Variants in KCNIP4 observed in about 807,000 individuals in gnomAD.
The protein encoded by KCNIP4 is potassium voltage-gated channel interacting protein 4, also known as Kv channel-interacting protein 4.
In KCNIP4, 12 loss-of-function variants were observed where a neutral mutation model predicts 34.0. The observed-to-expected ratio is 0.35, with a 90% confidence interval of 0.23 to 0.57. The LOEUF is 0.57. KCNIP4 is among the 20% of genes least tolerant of loss of function. The pLI is 0.83. For missense variants in KCNIP4, 238 were observed against 311.7 expected, an observed-to-expected ratio of 0.76 and a Z score of 1.78; for synonymous variants, 124 against 102.2, an observed-to-expected ratio of 1.21 and a Z score of -1.29.
chr4:21,368,269 C>T (rs1348020361), intron 1 of KCNIP4, among the ~76,000 whole-genome samples: 3 of 146,552 alleles, frequency 2.0e-5, no homozygotes, highest in Admixed American at 6.6e-5. Context: ...ATAAATATGA[C>T]GTTAGTTTGA....
intron 1 of KCNIP4, among the ~76,000 whole-genome samples, chr4:21,168,800 T>C (rs903980582): frequency 1.3e-5 from 2 of 152,102 alleles, no homozygotes; most frequent in Non-Finnish European, 2.9e-5. Context: ...CTGCCTTCAC[T>C]GTCTCTTGTA....
At chr4:20,758,951 C>T in intron 3 of KCNIP4, 61 bp from the exon 4 acceptor site, 8 of 1,384,184 alleles carry the variant, frequency 5.8e-6, no homozygotes, top group Non-Finnish European at 8.2e-6. Context: ...ATTTTTTTTG[C>T]ACATTTTGAA....
intron 1 of KCNIP4, among the ~76,000 whole-genome samples, chr4:21,411,802 C>T (rs753261856): frequency 9.2e-5 from 14 of 152,312 alleles, no homozygotes; most frequent in Non-Finnish European, 1.8e-4. Flanking sequence ...CATGCCACTA[C>T]ACTCCAGCCT....
chr4:20,875,098 A>G (rs1000654107), intron 2 of KCNIP4, among the ~76,000 whole-genome samples: 16 of 151,718 alleles, frequency 1.1e-4, no homozygotes, highest in African/African-American at 3.9e-4. Context: ...GCCCAGAGAG[A>G]AGGAAAAAAA....
chr4:21,671,691 A>C (rs1749513085), intron 1 of KCNIP4, among the ~76,000 whole-genome samples: 1 of 152,178 alleles, frequency 6.6e-6, no homozygotes, highest in Admixed American at 6.5e-5. Flanking sequence ...ACTCAGACTC[A>C]GGGGTATTAG....
intron 1 of KCNIP4, among the ~76,000 whole-genome samples, chr4:21,348,690 T>C (rs564070861): frequency 6.6e-6 from 1 of 152,328 alleles, no homozygotes; most frequent in East Asian, 1.9e-4. Flanking sequence ...TATAGCTCTG[T>C]AATACTTCAG....
chr4:20,922,918 A>G (rs1729546996), intron 1 of KCNIP4, among the ~76,000 whole-genome samples: 1 of 152,168 alleles, frequency 6.6e-6, no homozygotes, highest in Non-Finnish European at 1.5e-5. Context: ...TAAAAACCTT[A>G]TAAAAATACA....
chr4:21,787,449 T>G (rs540705940), intron 1 of KCNIP4, among the ~76,000 whole-genome samples: 138 of 152,276 alleles, frequency 9.1e-4, no homozygotes, highest in African/African-American at 3.2e-3. Flanking sequence ...GCTCTCTCAT[T>G]TATGCCCACA....
At chr4:20,880,592 G>C (rs895814035) in intron 2 of KCNIP4, among the ~76,000 whole-genome samples, 1 of 152,128 alleles carries the variant, frequency 6.6e-6, no homozygotes, top group Non-Finnish European at 1.5e-5. Flanking sequence ...GTGCAGAAGA[G>C]TGCTAACGAG....
At chr4:21,135,738 C>T (rs1367064525) in intron 1 of KCNIP4, among the ~76,000 whole-genome samples, 1 of 152,124 alleles carries the variant, frequency 6.6e-6, no homozygotes, top group Non-Finnish European at 1.5e-5. Flanking sequence ...CACAAAGGGG[C>T]AAATCTTGGG....
chr4:21,356,996 C>T (rs1286970681), intron 1 of KCNIP4, among the ~76,000 whole-genome samples: 1 of 151,940 alleles, frequency 6.6e-6, no homozygotes, highest in Non-Finnish European at 1.5e-5. Flanking sequence ...AGAACAGAGC[C>T]CACAGAAATA....
chr4:21,625,234 A>G (rs1745244514), intron 1 of KCNIP4, among the ~76,000 whole-genome samples: 1 of 152,148 alleles, frequency 6.6e-6, no homozygotes, highest in Admixed American at 6.6e-5. Context: ...CTATTTTTGA[A>G]TCTATAAAAT....
At chr4:20,983,302 A>AT (rs906908878) in intron 1 of KCNIP4, among the ~76,000 whole-genome samples, 3 of 152,172 alleles carry the variant, frequency 2.0e-5, no homozygotes, top group Admixed American at 6.5e-5. Context: ...TTCAAAGCAC[A>AT]TTTTTGCTGA....
chr4:21,723,835 G>A (rs1379975723), intron 1 of KCNIP4, among the ~76,000 whole-genome samples: 1 of 152,064 alleles, frequency 6.6e-6, no homozygotes, highest in Non-Finnish European at 1.5e-5. Flanking sequence ...GAAAAACACA[G>A]TTTTCCTTGA....
intron 1 of KCNIP4, among the ~76,000 whole-genome samples, chr4:21,071,082 G>A (rs1398233783): frequency 2.0e-5 from 3 of 151,724 alleles, no homozygotes; most frequent in Non-Finnish European, 4.4e-5. Context: ...TTCTCAACAG[G>A]GATTTCAAAG....
At chr4:20,881,857 A>T (rs1577308023) in intron 2 of KCNIP4, among the ~76,000 whole-genome samples, 1 of 152,206 alleles carries the variant, frequency 6.6e-6, no homozygotes, top group Non-Finnish European at 1.5e-5. Flanking sequence ...TCATCTAATC[A>T]GTTGAGGCTT....
intron 1 of KCNIP4, among the ~76,000 whole-genome samples, chr4:21,933,960 G>A (rs1729713524): frequency 6.6e-6 from 1 of 152,080 alleles, no homozygotes; most frequent in East Asian, 1.9e-4. Context: ...AATTAAAACT[G>A]CTTTCATTAA....
chr4:21,270,697 T>C (rs569647998), intron 1 of KCNIP4, among the ~76,000 whole-genome samples: 6 of 152,166 alleles, frequency 3.9e-5, no homozygotes, highest in African/African-American at 1.4e-4. Flanking sequence ...AATTTAAGAA[T>C]AGATTGTACC....
At chr4:21,605,940 C>A (rs1743613976) in intron 1 of KCNIP4, among the ~76,000 whole-genome samples, 1 of 152,110 alleles carries the variant, frequency 6.6e-6, no homozygotes. Context: ...CAGAAAAAAA[C>A]CATCCTCTGT....
Sources: allele counts gnomAD v4.1 joint callset (sites outside exome capture counted in the v4.1 genomes callset), GRCh38; gene constraint gnomAD v4.1.1; transcripts MANE v1.5; gene names NCBI Gene and HGNC (gene_info 2026-07-23, HGNC 2026-07-21).